Variants in IL1RAPL2 observed in about 807,000 individuals in gnomAD.
IL1RAPL2 encodes the protein interleukin 1 receptor accessory protein like 2.
A neutral mutation model predicts 44.1 loss-of-function variants in IL1RAPL2; 3 were observed. The ratio of observed to expected loss-of-function variants is 0.07; its 90% CI spans 0.03 to 0.18. IL1RAPL2 has a LOEUF of 0.18. Among genes scored for constraint, IL1RAPL2 ranks in the 10% least tolerant of loss-of-function variants. IL1RAPL2 has a pLI of 1.00. For missense variants in IL1RAPL2, 391 were observed against 496.4 expected (o/e 0.79, Z 2.02); for synonymous variants, 181 against 178.8 (o/e 1.01, Z -0.10).
rs1450286833 is a variant in IL1RAPL2, at chrX:105,412,003, C to G, written c.698-72310C>G. On this transcript the variant is annotated intron_variant, in intron 5 of 10. Coordinates refer to ENST00000372582, the MANE Select transcript of IL1RAPL2 (RefSeq NM_017416.2). Reference sequence around the variant, plus strand: ...AACTAGAAATCAATAAAAAGAAAAACTTTGGCAATCTTACAAATACATGGG... The same window carrying G: ...AACTAGAAATCAATAAAAAGAAAAAGTTTGGCAATCTTACAAATACATGGG... Among the ~76,000 whole-genome samples the G allele has an allele frequency of 8.1e-5, 9 of 111,272 alleles. No homozygotes were observed. In the Admixed American group the frequency reaches 8.6e-4, roughly 11 times the overall value.
In IL1RAPL2 at chrX:105,235,130, G is replaced by C. The variant is rs782084654; in HGVS notation, c.543+1126G>C. Among the ~76,000 whole-genome samples the C allele has an allele frequency of 2.3e-3, 260 of 111,913 alleles. 1 individual carries two copies. In the Middle Eastern group the frequency reaches 0.028, roughly 12 times the overall value. ...TCATTCAAACTGAAACAGAAGCCAGGGGGCAGAGGCAGGAGATAGAATCAA... is the reference window on the plus strand; with the variant it reads ...TCATTCAAACTGAAACAGAAGCCAGCGGGCAGAGGCAGGAGATAGAATCAA... On this transcript the variant is annotated intron_variant, in intron 4 of 10. Transcript: ENST00000372582.
intron 2 of IL1RAPL2, among the ~76,000 whole-genome samples, chrX:105,115,190 T>C (rs1358463530): frequency 9.0e-6 from 1 of 111,513 alleles, no homozygotes; most frequent in Non-Finnish European, 1.9e-5. Context: ...GTGGTCTCGC[T>C]GGCTCAGGAG....
At chrX:104,567,532 C>G (rs1928061405) in intron 1 of IL1RAPL2, among the ~76,000 whole-genome samples, 1 of 112,431 alleles carries the variant, frequency 8.9e-6, no homozygotes, top group Admixed American at 9.3e-5. Context: ...CCACCAAGCA[C>G]TAGGCAGGGG....
chrX:104,588,573 CA>C (rs35472188), intron 1 of IL1RAPL2, among the ~76,000 whole-genome samples: 118 of 103,488 alleles, frequency 1.1e-3, no homozygotes, highest in East Asian at 6.6e-3. Context: ...CCAAGTGTTG[CA>C]AAAAAAAAAA....
intron 2 of IL1RAPL2, among the ~76,000 whole-genome samples, chrX:104,696,483 T>C (rs1892853749): frequency 8.9e-6 from 1 of 112,063 alleles, no homozygotes; most frequent in South Asian, 3.8e-4. Context: ...TATTAAAGTT[T>C]GAAAAACACT....
intron 2 of IL1RAPL2, among the ~76,000 whole-genome samples, chrX:105,050,506 C>T (rs1294767471): frequency 1.8e-5 from 2 of 111,809 alleles, no homozygotes; most frequent in Non-Finnish European, 3.8e-5. Context: ...ACAGTGTGTT[C>T]CTTACTTTTA....
intron 6 of IL1RAPL2, among the ~76,000 whole-genome samples, chrX:105,696,167 G>A (rs2038074632): frequency 8.9e-6 from 1 of 112,435 alleles, no homozygotes; most frequent in Non-Finnish European, 1.9e-5. Flanking sequence ...TCTAGGTAGA[G>A]ACATTAAGGA....
chrX:104,784,682 T>A (rs1010859074), intron 2 of IL1RAPL2, among the ~76,000 whole-genome samples: 2 of 109,594 alleles, frequency 1.8e-5, no homozygotes, highest in African/African-American at 6.6e-5. Context: ...GAATACTATC[T>A]CTTTAAGTAT....
chrX:104,758,075 A>G lies in IL1RAPL2; in HGVS notation c.82+99080A>G, dbSNP rs749833258. 5.4e-5 allele frequency among the ~76,000 whole-genome samples: 6 copies of G among 111,920 alleles called. No homozygotes were observed. In the South Asian group the frequency reaches 2.2e-3, roughly 42 times the overall value. Reference sequence around the variant, plus strand: ...AATATGAAGACCTGGGGACAGTTAAACCCAACAGGACTACATCCAGCCAGA... The same window carrying G: ...AATATGAAGACCTGGGGACAGTTAAGCCCAACAGGACTACATCCAGCCAGA... On this transcript the variant is annotated intron_variant, in intron 2 of 10. Coordinates refer to ENST00000372582, the MANE Select transcript of IL1RAPL2 (RefSeq NM_017416.2).
At chrX:104,639,915 C>T (rs977459157) in intron 1 of IL1RAPL2, among the ~76,000 whole-genome samples, 1 of 111,235 alleles carries the variant, frequency 9.0e-6, no homozygotes. Flanking sequence ...TTTTAGAATT[C>T]TCCCCTTTTC....
At chrX:104,971,509 A>T (rs1602861336) in intron 2 of IL1RAPL2, among the ~76,000 whole-genome samples, 1 of 111,142 alleles carries the variant, frequency 9.0e-6, no homozygotes, top group East Asian at 2.8e-4. Context: ...TGTTAACCTC[A>T]ATCTGTCCAG....
intron 5 of IL1RAPL2, among the ~76,000 whole-genome samples, chrX:105,337,518 A>G (rs1200125260): frequency 8.9e-6 from 1 of 112,287 alleles, no homozygotes; most frequent in Non-Finnish European, 1.9e-5. Context: ...ATGAGGGAGA[A>G]TGGGTACTTA....
intron 2 of IL1RAPL2, among the ~76,000 whole-genome samples, chrX:104,956,843 C>T (rs1327304538): frequency 2.7e-5 from 3 of 111,022 alleles, no homozygotes; most frequent in African/African-American, 9.9e-5. Context: ...CCTTCACATA[C>T]AATATCATTT....
chrX:105,219,395 G>T, intron 3 of IL1RAPL2: 1 of 1,210,965 alleles, frequency 8.3e-7, no homozygotes, highest in South Asian at 1.8e-5. Flanking sequence ...ACCGACCGGA[G>T]ATCTCCCTCC....
In IL1RAPL2 at chrX:105,731,026, A is replaced by G. The variant is rs180683762; in HGVS notation, c.903-9520A>G. ...AAATTAGTAGAATGAAAGAGTAGAG[A>G]TCAGAGTAGAACTAAACAAAATAGA... On this transcript the variant is annotated intron_variant, in intron 7 of 10. Transcript: ENST00000372582. 1.0e-3 allele frequency among the ~76,000 whole-genome samples: 114 copies of G among 111,149 alleles called. 1 individual carries two copies. The highest frequency in any genetic ancestry group is 3.6e-3 in the African/African-American group (110 of 30,743).
intron 5 of IL1RAPL2, among the ~76,000 whole-genome samples, chrX:105,293,666 T>G (rs1446293372): frequency 8.9e-6 from 1 of 112,176 alleles, no homozygotes; most frequent in Non-Finnish European, 1.9e-5. Flanking sequence ...GTTTTACTTT[T>G]TTGTAAACCA....
In IL1RAPL2 at chrX:105,665,753, T is replaced by TTTGTTG. The variant is rs1556377999; in HGVS notation, c.773-51596_773-51591dup. ...TTTTTTGTTTTTTTGTTTTTTTTTT[T>TTTGTTG]TTGTTGTTGTTGTTGTTGTTGTTTT... On this transcript the variant is annotated intron_variant, in intron 6 of 10. Transcript: ENST00000372582. Among the ~76,000 whole-genome samples the TTTGTTG allele has an allele frequency of 4.0e-4, 28 of 69,231 alleles. 3 individuals carry two copies. Among genetic ancestry groups the TTTGTTG allele is most frequent in the South Asian group, 7.7e-4 (1 of 1,292 alleles). 60.1% of individuals were successfully genotyped at this position (69,231 alleles called of 115,157 possible).
chrX:105,388,447 T>C (rs2035497156), intron 5 of IL1RAPL2, among the ~76,000 whole-genome samples: 1 of 102,878 alleles, frequency 9.7e-6, no homozygotes, highest in Admixed American at 1.1e-4. Flanking sequence ...TGAGCACAAA[T>C]TTTCTGCAAA....
At chrX:104,621,646 C>G (rs145777400) in intron 1 of IL1RAPL2, among the ~76,000 whole-genome samples, 1 of 110,808 alleles carries the variant, frequency 9.0e-6, no homozygotes, top group Admixed American at 9.7e-5. Flanking sequence ...AGACTGAGGC[C>G]GATCTCCAGT....
Sources: allele counts gnomAD v4.1 joint callset (sites outside exome capture counted in the v4.1 genomes callset), GRCh38; gene constraint gnomAD v4.1.1; transcripts MANE v1.5; gene names NCBI Gene and HGNC (gene_info 2026-07-23, HGNC 2026-07-21).